PLXNA3: variants seen among roughly 807,000 people sequenced by gnomAD.
PLXNA3 encodes plexin-A3.
Under a neutral mutation model 118.8 loss-of-function variants are expected in PLXNA3, and 52 were observed. The observed-to-expected ratio is 0.44, with a 90% CI of 0.35 to 0.55. PLXNA3 has a LOEUF of 0.55. PLXNA3 is among the 20% of genes least tolerant of loss of function. The pLI is 0.01. For missense variants in PLXNA3, 1,660 were observed against 1,730.8 expected (o/e 0.96, Z 0.73); for synonymous variants, 925 against 762.4 (o/e 1.21, Z -3.51).
In PLXNA3 at chrX:154,465,489, C is replaced by T. The variant is rs1557206668; in HGVS notation, c.2310C>T (p.Asp770=). The change falls in exon 12 of 33, where the codon GAC becomes GAT. Residue 770 remains aspartate, a synonymous_variant. Transcript: ENST00000369682. ...ELDFSVVWDG[D]FPIDKPPSFR... ...ACTTTTCCGTGGTCTGGGATGGAGACTTCCCCATAGACAAGCCTCCCAGCT... is the reference window on the plus strand; with the variant it reads ...ACTTTTCCGTGGTCTGGGATGGAGATTTCCCCATAGACAAGCCTCCCAGCT... 8.3e-7 allele frequency: 1 copy of T among 1,207,948 alleles called. No homozygotes were observed. The highest frequency in any genetic ancestry group is 3.0e-5 in the East Asian group (1 of 33,850).
chrX:154,466,088 C>T lies in PLXNA3; in HGVS notation c.2678+8C>T, dbSNP rs782071805. 1.2e-5 allele frequency: 15 copies of T among 1,207,343 alleles called. No homozygotes were observed. The highest frequency in any genetic ancestry group is 2.5e-4 in the Middle Eastern group (1 of 4,069). On this transcript the variant is annotated splice_region_variant and intron_variant, in intron 14 of 32. Coordinates refer to ENST00000369682, the MANE Select transcript of PLXNA3 (RefSeq NM_017514.5). ...GTACATCAGTGCTGAGAGGTGAGTG[C>T]GGCTCTGTGGGTGCCCGGGCCGTAT... is the stretch of plus-strand genomic sequence containing the variant.
rs1261337185 is a variant in PLXNA3, at chrX:154,468,101, G to A, written c.3840G>A (p.Thr1280=). ...CCCCAGCTTTTGCAGAGCTGCAGACGGACATCAATGAGCTGACTAACCACA... is the reference window on the plus strand; with the variant it reads ...CCCCAGCTTTTGCAGAGCTGCAGACAGACATCAATGAGCTGACTAACCACA... ...ECKEAFAELQ[T]DINELTNHMD... Residue 1280 remains threonine (T), a synonymous_variant, in exon 22 of 33, where the codon ACG becomes ACA. Coordinates refer to ENST00000369682, the MANE Select transcript of PLXNA3 (RefSeq NM_017514.5). The A allele has an allele frequency of 1.7e-6, 2 of 1,191,213 alleles. No homozygotes were observed. Among genetic ancestry groups the A allele is most frequent in the Non-Finnish European group, 2.3e-6 (2 of 883,198 alleles).
At chrX:154,466,353 C>T in intron 15 of PLXNA3, 23 bp from the exon 16 acceptor site, 1 of 1,211,547 alleles carries the variant, frequency 8.3e-7, no homozygotes, top group Non-Finnish European at 1.1e-6. Flanking sequence ...CGGCTCCTCC[C>T]CTCAGGGCAG....
At position 154,470,121 on chromosome X, in the gene PLXNA3, G is replaced by A. The variant is rs1557208950; in HGVS notation, c.4940G>A (p.Ser1647Asn). ...HADHREGDRG[S>N]KMVSEIYLTR... ...GACCATCGCGAGGGGGACCGTGGCA[G>A]CAAGATGGTCTCCGAGATCTACCTG... Residue 1647 changes from serine to asparagine, a missense_variant, in exon 29 of 33, where the codon AGC (serine) becomes AAC (asparagine). Ser to Asn is a conservative substitution (Grantham distance 46, BLOSUM62 1). Coordinates refer to ENST00000369682, the MANE Select transcript of PLXNA3 (RefSeq NM_017514.5). The A allele has an allele frequency of 3.3e-6, 4 of 1,207,705 alleles. No homozygotes were observed. In the South Asian group the frequency reaches 5.3e-5, roughly 16 times the overall value.
chrX:154,468,217 A>T lies in PLXNA3; in HGVS notation c.3956A>T (p.Glu1319Val). The T allele has an allele frequency of 1.7e-6, 2 of 1,179,989 alleles. No homozygotes were observed. Among genetic ancestry groups the T allele is most frequent in the Non-Finnish European group, 2.3e-6 (2 of 878,071 alleles). The change falls in exon 22 of 33, where the codon GAG becomes GTG. Residue 1319 changes from glutamate (E) to valine (V), a missense_variant. This residue lies in a region of PLXNA3 where 869 missense variants were observed against 1,078.7 expected (regional missense o/e 0.81). Transcript: ENST00000369682. The stretch of plus-strand genomic sequence containing the variant: ...ATCGAGGCCCACCCGGTGCTCAAGG[A>T]GCTGGATGTGAGCCTCTGCCTGGCC... ...PGIEAHPVLK[E>V]LDTPPNVEKA...
At chrX:154,458,875 C>G (rs2068886526) in intron 1 of PLXNA3, among the ~76,000 whole-genome samples, 1 of 111,836 alleles carries the variant, frequency 8.9e-6, no homozygotes, top group African/African-American at 3.3e-5. Flanking sequence ...GGGCCTGAAA[C>G]TGCCTCCCCA....
In PLXNA3 at chrX:154,464,749, C is replaced by G; in HGVS notation, c.1929-5C>G. On this transcript the variant is annotated splice_polypyrimidine_tract_variant and splice_region_variant and intron_variant, in intron 9 of 32. Coordinates refer to ENST00000369682, the MANE Select transcript of PLXNA3 (RefSeq NM_017514.5). ...CTGTTATTTCTGAAGCCACTTCCCC[C>G]CCAGGTGCATGTCCTGTGTTGGCAG... 3.5e-6 allele frequency: 4 copies of G among 1,141,559 alleles called. No homozygotes were observed. Among genetic ancestry groups the G allele is most frequent in the Non-Finnish European group, 4.7e-6 (4 of 847,938 alleles). The allele number at this position is 1,141,559 out of a possible 1,213,427, so 94.1% of individuals were successfully genotyped here. A position where few individuals can be genotyped will look rare whatever the true frequency, so the allele number is the denominator to read the frequency against.
intron 3 of PLXNA3, 37 bp downstream of exon 3, chrX:154,461,675 T>C (rs781826208): frequency 8.9e-7 from 1 of 1,126,214 alleles, no homozygotes; most frequent in Non-Finnish European, 1.2e-6. Flanking sequence ...TCCTCTGCCC[T>C]GTCCCAGGTC....
rs1212863007 is a variant in PLXNA3, at chrX:154,461,760, G to A, written c.1134+122G>A. On this transcript the variant is annotated intron_variant, in intron 3 of 32. Coordinates refer to ENST00000369682, the MANE Select transcript of PLXNA3 (RefSeq NM_017514.5). ...CCATGGCCCTGGGAGTGGCACCTTT[G>A]CCCTCCCACCTGTTTCTCCCTCCCA... The A allele has an allele frequency of 1.0e-5, 7 of 694,078 alleles. No homozygotes were observed. The African/African-American group carries it at 1.3e-4, about 13-fold the overall frequency. 57.2% of individuals were successfully genotyped at this position (694,078 alleles called of 1,213,427 possible).
chrX:154,460,889 A>G (rs2068940852), intron 2 of PLXNA3, 112 bp downstream of exon 2: 4 of 668,719 alleles, frequency 6.0e-6, no homozygotes, highest in Admixed American at 7.6e-5. Flanking sequence ...TGGGATGCAG[A>G]CAGGTTGCGG....
intron 12 of PLXNA3, 65 bp from the exon 13 acceptor site, chrX:154,465,592 G>A (rs1385106636): frequency 8.6e-7 from 1 of 1,159,272 alleles, no homozygotes; most frequent in Admixed American, 2.2e-5. Flanking sequence ...GGGGGCCCTA[G>A]TGCTCCCCAC....
intron 1 of PLXNA3, 107 bp from the exon 2 acceptor site, chrX:154,460,048 CCT>C: frequency 2.1e-6 from 1 of 467,102 alleles, no homozygotes; most frequent in Non-Finnish European, 3.7e-6. Context: ...GGAGGCCCCT[CCT>C]CTCTCCCTGT....
chrX:154,464,915 G>A (rs782435659), intron 10 of PLXNA3, 47 bp downstream of exon 10: 11 of 1,078,579 alleles, frequency 1.0e-5, no homozygotes, highest in East Asian at 6.4e-5. Context: ...TGGTGCGGGC[G>A]GGGCCACCGG....
At position 154,462,261 on chromosome X, in the gene PLXNA3, G is replaced by A. The variant is rs139368340; in HGVS notation, c.1268G>A (p.Arg423His). ...GCCAGCGTGGCCGCCTACACCTACC[G>A]CCAGCACTCTGTGGTCTTCATTGGC... The part of the protein sequence containing the change: ...GMASVAAYTY[R>H]QHSVVFIGTR... Residue 423 changes from arginine to histidine, a missense_variant, in exon 4 of 33, where the codon CGC becomes CAC. By Grantham distance (29) the Arg-to-His change is conservative (BLOSUM62 0). Coordinates refer to ENST00000369682, the MANE Select transcript of PLXNA3 (RefSeq NM_017514.5). 4.7e-4 allele frequency: 553 copies of A among 1,184,126 alleles called. No homozygotes were observed. Among genetic ancestry groups the A allele is most frequent in the Non-Finnish European group, 5.5e-4 (482 of 881,172 alleles).
chrX:154,463,257 G>A, intron 4 of PLXNA3, 134 bp from the exon 5 acceptor site: 1 of 903,901 alleles, frequency 1.1e-6, no homozygotes, highest in Non-Finnish European at 1.6e-6. Flanking sequence ...TGGCCTCCGG[G>A]CTGTGGGTGT....
chrX:154,477,623 C>A lies in PLXNA3; in HGVS notation c.*4938C>A. ...AGTAGTTAATCCTGAATGACAGAAC[C>A]CAATTGATTTTCATTTTCTTCCATT... On this transcript the variant is annotated 3_prime_UTR_variant, in exon 33 of 33. Transcript: ENST00000369682. 1 of 238,201 alleles carries A rather than the reference C, an allele frequency of 4.2e-6. No individual in the cohort carries two copies. The allele number at this position is 238,201 out of a possible 1,213,427, so 19.6% of individuals were successfully genotyped here. A position where few individuals can be genotyped will look rare whatever the true frequency, so the allele number is the denominator to read the frequency against.
At chrX:154,471,361 C>T (rs2069181049) in intron 31 of PLXNA3, 44 bp downstream of exon 31, 9 of 1,161,888 alleles carry the variant, frequency 7.7e-6, no homozygotes, top group African/African-American at 3.6e-5. Context: ...AGGACCTGCC[C>T]CTCCCTGGGC....
rs145615075 is a variant in PLXNA3 at position 154,461,419 on chromosome X, C to A, written c.915C>A (p.Ala305=). ...TGGCCAAGCCTGGCCTGCTGCTGGC[C>A]CAGGCCCTGGGCGTGCCGGCTGATG... The part of the protein sequence containing the change: ...AHLAKPGLLL[A]QALGVPADED... Residue 305 remains alanine (A), a synonymous_variant, in exon 3 of 33, where the codon GCC becomes GCA. Coordinates refer to ENST00000369682, the MANE Select transcript of PLXNA3 (RefSeq NM_017514.5). 1 of 1,211,401 alleles carries A rather than the reference C, an allele frequency of 8.3e-7. No homozygotes were observed. The highest frequency in any genetic ancestry group is 3.0e-5 in the East Asian group (1 of 33,856).
At position 154,460,516 on chromosome X, in the gene PLXNA3, C is replaced by G. The variant is rs1316314225; in HGVS notation, c.333C>G (p.Ala111=). 8 of 1,209,132 alleles carry G rather than the reference C, an allele frequency of 6.6e-6. No individual in the cohort carries two copies. The highest frequency in any genetic ancestry group is 1.7e-5 in the African/African-American group (1 of 57,609). ...LIDYAARRLV[A]CGSIWQGICQ... is the part of the protein sequence containing the mutation. ...ACTATGCGGCCCGCCGCCTGGTGGC[C>G]TGCGGCAGCATCTGGCAGGGCATCT... Residue 111 remains alanine (A), a synonymous_variant, in exon 2 of 33, where the codon GCC becomes GCG. Transcript: ENST00000369682.
Sources: allele counts gnomAD v4.1 joint callset (sites outside exome capture counted in the v4.1 genomes callset), GRCh38; gene constraint gnomAD v4.1.1; regional missense constraint gnomAD v4.1.1; transcripts MANE v1.5; gene names NCBI Gene and HGNC (gene_info 2026-07-23, HGNC 2026-07-21).